The following EPHB6 variants were observed in gnomAD, a reference collection of about 807,000 sequenced individuals.
EPHB6 encodes the protein ephrin type-B receptor 6.
Under a neutral mutation model 107.0 loss-of-function variants are expected in EPHB6, and 51 were observed. The observed-to-expected ratio is 0.48, with a 90% CI of 0.38 to 0.60. The LOEUF (loss-of-function observed/expected upper bound fraction) is 0.60. Ranked by LOEUF, EPHB6 falls within the 20% of genes least tolerant of loss-of-function variation. The probability of loss-of-function intolerance (pLI) is 0.00; values close to 1 mark genes in which losing one functional copy is unlikely to be tolerated. For synonymous variants in EPHB6, 553 were observed against 549.0 expected (o/e 1.01, Z -0.10); for missense variants, 1,141 against 1,355.5 (o/e 0.84, Z 2.48).
chr7:142,866,941 C>A lies in EPHB6; in HGVS notation c.1623C>A (p.Ser541Arg), dbSNP rs780245579. ...EDESHSFTLT[S>R]ETNTATVTQL... is the part of the protein sequence containing the mutation. ...AATCCCACTCCTTCACCCTGACCAG[C>A]GAGACCAACACTGCCACCGTGACAC... Residue 541 changes from serine to arginine, a missense_variant, in exon 11 of 20, where the codon AGC becomes AGA. Physicochemically the swap from Ser to Arg is moderately radical, Grantham distance 110. This residue lies in a region of EPHB6 where 616 missense variants were observed against 759.3 expected (regional missense o/e 0.81). Transcript: ENST00000652003. The surrounding 1 kb of genome is among the most constrained non-coding windows in gnomAD (Gnocchi z 5.2). 3 of 1,614,026 alleles carry A rather than the reference C, an allele frequency of 1.9e-6. No homozygotes were observed.
In EPHB6 at chr7:142,870,827, G is replaced by C. The variant is rs769974420; in HGVS notation, c.2992G>C (p.Gly998Arg). 1 of 1,614,128 alleles carries C rather than the reference G, an allele frequency of 6.2e-7. No homozygotes were observed. Among genetic ancestry groups the C allele is most frequent in the Non-Finnish European group, 8.5e-7 (1 of 1,179,992 alleles). Residue 998 changes from glycine (G) to arginine (R), a missense_variant, in exon 20 of 20, where the codon GGC becomes CGC. Around this residue, in one of 3 missense-constraint regions of EPHB6, gnomAD observed 616 missense variants for 759.3 expected, o/e 0.81. Transcript: ENST00000652003. ...GCCTGCCCTGGGCATCACCCTGGCT[G>C]GCCACCAGAAGAAGCTGCTGCACCA... The part of the protein sequence containing the change: ...DLPALGITLA[G>R]HQKKLLHHIQ...
Position 142,855,288 on chromosome 7 carries a change from G to C in EPHB6, c.-529G>C, listed in dbSNP as rs945515488. On this transcript the variant is annotated 5_prime_UTR_variant, in exon 1 of 20. Transcript: ENST00000652003. This position sits in a 1 kb window ranked among gnomAD's most constrained non-coding sequence, Gnocchi z 4.2. ...CGGGTGCAACGGGGTCCCCGGACTG[G>C]AGAAGACGCGGGTGGCACCGTGCGA... 6.6e-6 allele frequency: 1 copy of C among 152,214 alleles called. No individual in the cohort carries two copies. Among genetic ancestry groups the C allele is most frequent in the Non-Finnish European group, 1.5e-5 (1 of 68,068 alleles). 9.4% of individuals were successfully genotyped at this position (152,214 alleles called of 1,614,324 possible).
At position 142,869,190 on chromosome 7, in the gene EPHB6, A is replaced by G. The variant is rs1794774745; in HGVS notation, c.2460+43A>G. On this transcript the variant is annotated intron_variant, in intron 16 of 19. Transcript: ENST00000652003. The surrounding 1 kb of genome is among the most constrained non-coding windows in gnomAD (Gnocchi z 4.5). Reference sequence around the variant, plus strand: ...GGGACACAGCCTGGGGCCTTGTGGCATGCCCCAGCAGGTGCTGGGGTCGGG... The same window carrying G: ...GGGACACAGCCTGGGGCCTTGTGGCGTGCCCCAGCAGGTGCTGGGGTCGGG... 1 of 1,599,810 alleles carries G rather than the reference A, an allele frequency of 6.3e-7. No homozygotes were observed. The highest frequency in any genetic ancestry group is 8.5e-7 in the Non-Finnish European group (1 of 1,172,060).
rs747288408 is a variant in EPHB6 at position 142,866,535 on chromosome 7, C to T, written c.1517C>T (p.Thr506Met). The T allele has an allele frequency of 1.2e-6, 2 of 1,614,190 alleles. No individual in the cohort carries two copies. The highest frequency in any genetic ancestry group is 1.7e-6 in the Non-Finnish European group (2 of 1,180,036). ...GTGAGCCGGGCATCCAACAGCATCA[C>T]GGTGTCCTGGCCGCAGCCCGACCAG... ...HQVSRASNSI[T>M]VSWPQPDQTN... Residue 506 changes from threonine (T) to methionine (M), a missense_variant, in exon 10 of 20, where the codon ACG becomes ATG. By Grantham distance (81) the Thr-to-Met change is moderately conservative (BLOSUM62 -1). Coordinates refer to ENST00000652003, the MANE Select transcript of EPHB6 (RefSeq NM_004445.6). This position sits in a 1 kb window ranked among gnomAD's most constrained non-coding sequence, Gnocchi z 5.2.
chr7:142,855,796 G>A lies in EPHB6; in HGVS notation c.-432+411G>A, dbSNP rs1802577260. ...TCCCCTTGGAGCTGGGAGGAGTCAG[G>A]AGGCTGACCACACACCTGTCCCCTG... On this transcript the variant is annotated intron_variant, in intron 1 of 19. Coordinates refer to ENST00000652003, the MANE Select transcript of EPHB6 (RefSeq NM_004445.6). This position sits in a 1 kb window ranked among gnomAD's most constrained non-coding sequence, Gnocchi z 4.2. Among the ~76,000 whole-genome samples the A allele has an allele frequency of 6.6e-6, 1 of 152,110 alleles. No individual in the cohort carries two copies. Among genetic ancestry groups the A allele is most frequent in the African/African-American group, 2.4e-5 (1 of 41,420 alleles).
chr7:142,869,137 A>G lies in EPHB6; in HGVS notation c.2450A>G (p.His817Arg). Reference sequence around the variant, plus strand: ...GTGTGCAAGGTGGCCCGTCTTGGCCACAGTCCTCAGGTGAGAGCACAGCCT... The same window carrying G: ...GTGTGCAAGGTGGCCCGTCTTGGCCGCAGTCCTCAGGTGAGAGCACAGCCT... ...HLVCKVARLGHSPQGPSCLLR... is the reference protein window; with the variant it reads ...HLVCKVARLGRSPQGPSCLLR... Residue 817 changes from histidine to arginine, a missense_variant, in exon 16 of 20, where the codon CAC becomes CGC. His to Arg is a conservative substitution (Grantham distance 29). This residue lies in a region of EPHB6 where 616 missense variants were observed against 759.3 expected (regional missense o/e 0.81). Coordinates refer to ENST00000652003, the MANE Select transcript of EPHB6 (RefSeq NM_004445.6). The surrounding 1 kb of genome is among the most constrained non-coding windows in gnomAD (Gnocchi z 4.5). 1 of 1,613,216 alleles carries G rather than the reference A, an allele frequency of 6.2e-7. No homozygotes were observed. Among genetic ancestry groups the G allele is most frequent in the Non-Finnish European group, 8.5e-7 (1 of 1,179,814 alleles).
rs1803142300 is a variant in EPHB6 at position 142,866,002 on chromosome 7, G to A, written c.1148G>A (p.Gly383Asp). Reference sequence around the variant, plus strand: ...CAGGAGCTTTGGTTTGAGGTGCAAGGCTCAGCACTCATGCTACACTGGCGC... The same window carrying A: ...CAGGAGCTTTGGTTTGAGGTGCAAGACTCAGCACTCATGCTACACTGGCGC... ...APQELWFEVQ[G>D]SALMLHWRLP... The change falls in exon 9 of 20, where the codon GGC becomes GAC. Residue 383 changes from glycine to aspartate, a missense_variant. Transcript: ENST00000652003. The surrounding 1 kb of genome is among the most constrained non-coding windows in gnomAD (Gnocchi z 5.2). The A allele has an allele frequency of 6.2e-7, 1 of 1,613,970 alleles. No homozygotes were observed. The highest frequency in any genetic ancestry group is 1.3e-5 in the African/African-American group (1 of 75,052).
Position 142,867,833 on chromosome 7 carries a change from C to A in EPHB6, c.1865+111C>A. ...CAGAAACCTCACACTGGTGCTCCTC[C>A]CGTCAGCCAGCCCCTGCCCTGGGCC... On this transcript the variant is annotated intron_variant, in intron 12 of 19. Coordinates refer to ENST00000652003, the MANE Select transcript of EPHB6 (RefSeq NM_004445.6). This position sits in a 1 kb window ranked among gnomAD's most constrained non-coding sequence, Gnocchi z 5.3. 1.4e-6 allele frequency: 2 copies of A among 1,423,648 alleles called. No homozygotes were observed. The highest frequency in any genetic ancestry group is 1.2e-5 in the South Asian group (1 of 81,604). 88.2% of individuals were successfully genotyped at this position (1,423,648 alleles called of 1,614,324 possible). A position where few individuals can be genotyped will look rare whatever the true frequency, so the allele number is the denominator to read the frequency against.
At position 142,866,104 on chromosome 7, in the gene EPHB6, C is replaced by A. The variant is rs1176001365; in HGVS notation, c.1250C>A (p.Pro417His). ...AAGGAGTGTGAAGGCCGCCAGGAAC[C>A]TGCCAGCGGTGGTGGGGGCACTTGT... Reference protein sequence around the residue: ...VCKECEGRQEPASGGGGTCHR... With the variant: ...VCKECEGRQEHASGGGGTCHR... Residue 417 changes from proline to histidine, a missense_variant, in exon 9 of 20, where the codon CCT (proline) becomes CAT (histidine). By Grantham distance (77) the Pro-to-His change is moderately conservative. Transcript: ENST00000652003. This position sits in a 1 kb window ranked among gnomAD's most constrained non-coding sequence, Gnocchi z 5.2. 11 of 1,612,692 alleles carry A rather than the reference C, an allele frequency of 6.8e-6. No individual in the cohort carries two copies. Among genetic ancestry groups the A allele is most frequent in the Non-Finnish European group, 9.3e-6 (11 of 1,179,406 alleles).
At chr7:142,863,010 G>T (rs1802917445) in intron 4 of EPHB6, 117 bp from the exon 5 acceptor site, 1 of 590,344 alleles carries the variant, frequency 1.7e-6, no homozygotes, top group Admixed American at 3.0e-5. Context: ...GGGTGCTGGG[G>T]CGATTGGAGA....
Position 142,864,293 on chromosome 7 carries a change from C to CCCTCCT in EPHB6, c.516_521dup (p.Ser176_Ser177dup), listed in dbSNP as rs143667567. 4.3e-4 allele frequency: 675 copies of CCCTCCT among 1,559,948 alleles called. No homozygotes were observed. In the African/African-American group the frequency reaches 4.7e-3, roughly 11 times the overall value. On this transcript the variant is annotated inframe_insertion, in exon 7 of 20. Coordinates refer to ENST00000652003, the MANE Select transcript of EPHB6 (RefSeq NM_004445.6). ...CACAATTGCAGCAGACGAGAGCTTT[C>CCCTCCT]CCTCCTCCTCCTCCTCCTCCTCCTC...
chr7:142,864,142 C>T lies in EPHB6; in HGVS notation c.342C>T (p.Cys114=). 6.2e-7 allele frequency: 1 copy of T among 1,614,058 alleles called. No homozygotes were observed. Among genetic ancestry groups the T allele is most frequent in the Non-Finnish European group, 8.5e-7 (1 of 1,180,040 alleles). ...HIRLHFSVRA[C]SSLGVSGGTC... ...GACTCCACTTCTCTGTGCGGGCATG[C>T]TCCAGCCTGGGTGTGAGCGGCGGCA... is the stretch of plus-strand genomic sequence containing the variant. The change falls in exon 7 of 20, where the codon TGC becomes TGT. Residue 114 remains cysteine (C), a synonymous_variant. Transcript: ENST00000652003.
In EPHB6 at chr7:142,863,619, A is replaced by G. The variant is rs766323; in HGVS notation, c.101-12A>G. The stretch of plus-strand genomic sequence containing the variant: ...GGCTTGGCCACTGTGTGCCCCTCTT[A>G]TTTCTGGGCAGAGGTATTGCTGGAC... On this transcript the variant is annotated splice_polypyrimidine_tract_variant and intron_variant, in intron 5 of 19. Transcript: ENST00000652003. 0.017 allele frequency: 27,364 copies of G among 1,613,252 alleles called. 279 individuals are homozygous for G. Among genetic ancestry groups the G allele is most frequent in the South Asian group, 0.025 (2,238 of 91,056 alleles).
rs1481269714 is a variant in EPHB6, at chr7:142,867,280, AT to A, written c.1750+213del. Reference sequence around the variant, plus strand: ...GTATGTATGCATGTTGAGTGTGGATATAGGAGGGCTGTGGGGATGTGTGTGT... The same window carrying A: ...GTATGTATGCATGTTGAGTGTGGATAAGGAGGGCTGTGGGGATGTGTGTGT... On this transcript the variant is annotated intron_variant, in intron 11 of 19. Coordinates refer to ENST00000652003, the MANE Select transcript of EPHB6 (RefSeq NM_004445.6). The surrounding 1 kb of genome is among the most constrained non-coding windows in gnomAD (Gnocchi z 5.3). 3 of 653,010 alleles carry A rather than the reference AT, an allele frequency of 4.6e-6. No individual in the cohort carries two copies. In the African/African-American group the frequency reaches 5.5e-5, roughly 12 times the overall value. 40.5% of individuals were successfully genotyped at this position (653,010 alleles called of 1,614,324 possible).
At position 142,857,408 on chromosome 7, in the gene EPHB6, G is replaced by A. The variant is rs528844878; in HGVS notation, c.-432+2023G>A. 2.6e-5 allele frequency among the ~76,000 whole-genome samples: 4 copies of A among 152,326 alleles called. No individual in the cohort carries two copies. In the East Asian group the frequency reaches 7.7e-4, roughly 29 times the overall value. ...TTCTCAAGGCAGGAGGCCAGAGCACGAAGAGATCTCCAAGGTGGAGATTAA... is the reference window on the plus strand; with the variant it reads ...TTCTCAAGGCAGGAGGCCAGAGCACAAAGAGATCTCCAAGGTGGAGATTAA... On this transcript the variant is annotated intron_variant, in intron 1 of 19. Coordinates refer to ENST00000652003, the MANE Select transcript of EPHB6 (RefSeq NM_004445.6).
chr7:142,870,665 T>A lies in EPHB6; in HGVS notation c.2940T>A (p.Asp980Glu), dbSNP rs1794874905. The A allele has an allele frequency of 6.2e-7, 1 of 1,614,102 alleles. No homozygotes were observed. Among genetic ancestry groups the A allele is most frequent in the South Asian group, 1.1e-5 (1 of 91,092 alleles). The change falls in exon 19 of 20, where the codon GAT becomes GAA. Residue 980 changes from aspartate to glutamate, a missense_variant. Asp to Glu is a conservative substitution (Grantham distance 45). Transcript: ENST00000652003. ...AGTTTGGCCTCTGTACCTTCAGTGA[T>A]GTGGCTCAGCTCAGCCTAGAGTAAG... is the stretch of plus-strand genomic sequence containing the variant. ...FSKFGLCTFSDVAQLSLEDLP... is the reference protein window; with the variant it reads ...FSKFGLCTFSEVAQLSLEDLP...
Position 142,866,392 on chromosome 7 carries a change from G to C in EPHB6, c.1462+76G>C, listed in dbSNP as rs1159250751. The C allele has an allele frequency of 6.2e-7, 1 of 1,611,506 alleles. No homozygotes were observed. The highest frequency in any genetic ancestry group is 8.5e-7 in the Non-Finnish European group (1 of 1,179,306). On this transcript the variant is annotated intron_variant, in intron 9 of 19. Transcript: ENST00000652003. This position sits in a 1 kb window ranked among gnomAD's most constrained non-coding sequence, Gnocchi z 5.2. Reference sequence around the variant, plus strand: ...CCCCCTTCCCTACTCCTGATCTCCAGCCTGGTCCACCCCTGCCGCCCTCCC... The same window carrying C: ...CCCCCTTCCCTACTCCTGATCTCCACCCTGGTCCACCCCTGCCGCCCTCCC...
At position 142,869,817 on chromosome 7, in the gene EPHB6, G is replaced by A; in HGVS notation, c.2461G>A (p.Gly821Ser). 1 of 1,614,176 alleles carries A rather than the reference G, an allele frequency of 6.2e-7. No individual in the cohort carries two copies. Among genetic ancestry groups the A allele is most frequent in the African/African-American group, 1.3e-5 (1 of 75,040 alleles). The change falls in exon 17 of 20, where the codon GGC (glycine) becomes AGC (serine). Residue 821 changes from glycine (G) to serine (S), a missense_variant and splice_region_variant. Around this residue, in one of 3 missense-constraint regions of EPHB6, gnomAD observed 616 missense variants for 759.3 expected, o/e 0.81. Coordinates refer to ENST00000652003, the MANE Select transcript of EPHB6 (RefSeq NM_004445.6). This position sits in a 1 kb window ranked among gnomAD's most constrained non-coding sequence, Gnocchi z 4.5. ...ATTTGCTTTTGACTTTACCCCTCAG[G>A]GCCCAAGTTGTTTGCTTCGCTGGGC... ...KVARLGHSPQGPSCLLRWAAP... is the reference protein window; with the variant it reads ...KVARLGHSPQSPSCLLRWAAP...
In EPHB6 at chr7:142,868,733, C is replaced by T; in HGVS notation, c.2280C>T (p.Phe760=). ...TGGAGCTTGGCCCCCTGGACAGCTTCCTCAGGGTCAGTCCAGCCTGGGTGA... is the reference window on the plus strand; with the variant it reads ...TGGAGCTTGGCCCCCTGGACAGCTTTCTCAGGGTCAGTCCAGCCTGGGTGA... ...EFMELGPLDS[F]LRQREGQFSS... The change falls in exon 15 of 20, where the codon TTC becomes TTT. Residue 760 remains phenylalanine, a synonymous_variant. Transcript: ENST00000652003. This position sits in a 1 kb window ranked among gnomAD's most constrained non-coding sequence, Gnocchi z 4.2. 1 of 1,613,902 alleles carries T rather than the reference C, an allele frequency of 6.2e-7. No homozygotes were observed. Among genetic ancestry groups the T allele is most frequent in the Non-Finnish European group, 8.5e-7 (1 of 1,180,020 alleles).
Sources: gnomAD v4.1 joint callset for allele counts (sites outside exome capture counted in the v4.1 genomes callset) on GRCh38, gnomAD v4.1.1 for gene constraint, gnomAD v4.1.1 regional missense constraint, Gnocchi (gnomAD v3.1) non-coding constraint, MANE v1.5 for transcripts, NCBI Gene and HGNC (gene_info 2026-07-23, HGNC 2026-07-21) for gene names.